The following WDR59 variants were observed in gnomAD, a reference collection of about 807,000 sequenced individuals.
WDR59 encodes the protein WD repeat domain 59.
WDR59 carries 100 observed loss-of-function variants against 131.2 expected under a neutral mutation model. That is an observed-to-expected ratio of 0.76 (90% CI 0.65 to 0.90). The LOEUF is 0.90. Among genes scored for constraint, WDR59 ranks in the 40% least tolerant of loss-of-function variants. The pLI, the probability that WDR59 is intolerant of heterozygous loss-of-function variation, is 0.00. For missense variants in WDR59, 1,203 were observed against 1,262.2 expected (o/e 0.95, Z 0.71); for synonymous variants, 601 against 466.2 (o/e 1.29, Z -3.72).
At chr16:74,981,198 T>C (rs2034389666) in intron 1 of WDR59, among the ~76,000 whole-genome samples, 1 of 151,310 alleles carries the variant, frequency 6.6e-6, no homozygotes, top group African/African-American at 2.4e-5. Flanking sequence ...ACCCTGTCTC[T>C]ACTAAAAAAA....
At chr16:74,924,043 C>G in intron 8 of WDR59, 40 bp from the exon 9 acceptor site, 1 of 1,588,856 alleles carries the variant, frequency 6.3e-7, no homozygotes, top group Non-Finnish European at 8.6e-7. Flanking sequence ...AAATAAATGC[C>G]ATTAAAAAAT....
chr16:74,963,048 G>C (rs751353277), intron 2 of WDR59: 1 of 152,180 alleles, frequency 6.6e-6, no homozygotes, highest in Non-Finnish European at 1.5e-5. Context: ...CTGAGTTCAG[G>C]AGATCAAGAC....
At chr16:74,879,811 C>T (rs1359479855) in intron 25 of WDR59, among the ~76,000 whole-genome samples, 5 of 152,170 alleles carry the variant, frequency 3.3e-5, no homozygotes, top group Admixed American at 2.0e-4. Context: ...TGATTAACCT[C>T]ATCTGCAAAA....
chr16:74,888,715 CAT>C (rs1391288625), intron 21 of WDR59, among the ~76,000 whole-genome samples: 10 of 152,294 alleles, frequency 6.6e-5, no homozygotes, highest in South Asian at 2.1e-4. Context: ...GATTCCCACA[CAT>C]GTCATTTATA....
At chr16:74,944,782 T>A (rs1413810795) in intron 6 of WDR59, among the ~76,000 whole-genome samples, 1 of 152,046 alleles carries the variant, frequency 6.6e-6, no homozygotes, top group Non-Finnish European at 1.5e-5. Context: ...TCTACTTCCA[T>A]TTTTTAAGAA....
chr16:74,912,189 G>A lies in WDR59; in HGVS notation c.1389+9C>T. ...ACAGCAAGGAGAATTTGGGAACCCAGACCCCCACCTTCAGCAGCTTAGCTT... is the reference window on the plus strand; with the variant it reads ...ACAGCAAGGAGAATTTGGGAACCCAAACCCCCACCTTCAGCAGCTTAGCTT... On this transcript the variant is annotated intron_variant, in intron 14 of 25. Coordinates refer to ENST00000262144, the MANE Select transcript of WDR59 (RefSeq NM_030581.4). The A allele has an allele frequency of 1.2e-6, 2 of 1,614,150 alleles. No homozygotes were observed. The highest frequency in any genetic ancestry group is 1.7e-5 in the Admixed American group (1 of 60,010).
At position 74,873,684 on chromosome 16, in the gene WDR59, A is replaced by C. The variant is rs1313140514; in HGVS notation, c.*525T>G. On this transcript the variant is annotated 3_prime_UTR_variant, in exon 26 of 26. Coordinates refer to ENST00000262144, the MANE Select transcript of WDR59 (RefSeq NM_030581.4). ...ATACATCTTAAGAATCCTTAAGTACAGTGCATATTTACAATTTAAGTGTCA... is the reference window on the plus strand; with the variant it reads ...ATACATCTTAAGAATCCTTAAGTACCGTGCATATTTACAATTTAAGTGTCA... The C allele has an allele frequency of 6.6e-6, 1 of 152,438 alleles. No homozygotes were observed. Among genetic ancestry groups the C allele is most frequent in the Non-Finnish European group, 1.5e-5 (1 of 68,366 alleles). The allele number at this position is 152,438 out of a possible 1,614,324, so 9.4% of individuals were successfully genotyped here.
At position 74,916,754 on chromosome 16, in the gene WDR59, G is replaced by A. The variant is rs9925946; in HGVS notation, c.967-495C>T. On this transcript the variant is annotated intron_variant, in intron 11 of 25. Transcript: ENST00000262144. ...GACGCCTACAGTCCCAGCTACTCGG[G>A]AGGCTGAGGCAGGAGAATCACTTGA... Among the ~76,000 whole-genome samples, 395 of 151,954 alleles carry A rather than the reference G, an allele frequency of 2.6e-3. 1 individual carries two copies. The highest frequency in any genetic ancestry group is 8.9e-3 in the African/African-American group (370 of 41,462).
chr16:74,941,202 G>A (rs1032950570), intron 7 of WDR59, among the ~76,000 whole-genome samples: 35 of 151,718 alleles, frequency 2.3e-4, no homozygotes, highest in Non-Finnish European at 1.5e-4. Flanking sequence ...TTGGCTGGGT[G>A]TGGTGGCATG....
intron 1 of WDR59, among the ~76,000 whole-genome samples, chr16:74,970,450 G>A (rs1368794063): frequency 1.4e-5 from 2 of 140,044 alleles, no homozygotes; most frequent in Non-Finnish European, 3.1e-5. Flanking sequence ...GAGCCAAGAT[G>A]CGCCACTGCA....
chr16:74,958,840 A>G (rs1380841548), intron 2 of WDR59, among the ~76,000 whole-genome samples: 1 of 151,564 alleles, frequency 6.6e-6, no homozygotes, highest in Non-Finnish European at 1.5e-5. Context: ...AGGCGGATGG[A>G]TCACCTGAGG....
intron 8 of WDR59, among the ~76,000 whole-genome samples, chr16:74,934,108 T>C (rs1382934181): frequency 1.3e-5 from 2 of 152,322 alleles, no homozygotes; most frequent in South Asian, 4.1e-4. Flanking sequence ...AGCTCTACAC[T>C]GTGCATGCCT....
rs564325179 is a variant in WDR59 at position 74,919,810 on chromosome 16, T to G, written c.887-1802A>C. 1.1e-3 allele frequency among the ~76,000 whole-genome samples: 162 copies of G among 152,302 alleles called. 1 individual carries two copies. Among genetic ancestry groups the G allele is most frequent in the South Asian group, 8.5e-3 (41 of 4,824 alleles). Reference sequence around the variant, plus strand: ...AATATCCTGACTCACTTCCTACCTCTTTGAGAAATCCTTCCCCACAGTGAA... The same window carrying G: ...AATATCCTGACTCACTTCCTACCTCGTTGAGAAATCCTTCCCCACAGTGAA... On this transcript the variant is annotated intron_variant, in intron 10 of 25. Transcript: ENST00000262144.
intron 11 of WDR59, among the ~76,000 whole-genome samples, chr16:74,916,858 C>CAA (rs34120750): frequency 0.013 from 1,829 of 139,466 alleles, 27 homozygotes; most frequent in Middle Eastern, 0.04. Context: ...GACTCCATCT[C>CAA]AAAAAAAAAA....
At chr16:74,913,073 G>T (rs1454146451) in intron 13 of WDR59, among the ~76,000 whole-genome samples, 237 of 3,064 alleles carry the variant, frequency 0.077, 1 homozygote, top group Admixed American at 0.11. Flanking sequence ...TAGATTTTGG[G>T]GGGGGGGGGG....
At position 74,942,731 on chromosome 16, in the gene WDR59, T is replaced by C. The variant is rs1441152750; in HGVS notation, c.534+7A>G. On this transcript the variant is annotated splice_region_variant and intron_variant, in intron 7 of 25. Transcript: ENST00000262144. The stretch of plus-strand genomic sequence containing the variant: ...GACCAATAAGGGCGAAAAAAGAGAT[T>C]ACTCACCCTCTTATCCCATATCCGC... 4.3e-6 allele frequency: 7 copies of C among 1,613,688 alleles called. No individual in the cohort carries two copies. The highest frequency in any genetic ancestry group is 5.9e-6 in the Non-Finnish European group (7 of 1,179,786).
chr16:74,981,660 A>ATATATATATATATATTTTTT (rs1567451007), intron 1 of WDR59, among the ~76,000 whole-genome samples: 2 of 80,864 alleles, frequency 2.5e-5, no homozygotes, highest in African/African-American at 1.5e-4. Context: ...ATATATATAT[A>ATATATATATATATATTTTTT]TTTTTTTTTT....
intron 1 of WDR59, among the ~76,000 whole-genome samples, chr16:74,979,292 A>G (rs1035257886): frequency 2.6e-5 from 4 of 151,658 alleles, no homozygotes; most frequent in Non-Finnish European, 5.9e-5. Flanking sequence ...GTGAAACCCC[A>G]TCTCTACTAA....
At chr16:74,974,655 C>T (rs892576283) in intron 1 of WDR59, among the ~76,000 whole-genome samples, 1 of 152,124 alleles carries the variant, frequency 6.6e-6, no homozygotes, top group Admixed American at 6.6e-5. Context: ...ACTGTATGTA[C>T]AAACGACGTA....
Sources: gnomAD v4.1 joint callset for allele counts (sites outside exome capture counted in the v4.1 genomes callset) on GRCh38, gnomAD v4.1.1 for gene constraint, MANE v1.5 for transcripts, NCBI Gene and HGNC (gene_info 2026-07-23, HGNC 2026-07-21) for gene names.